Variants in ATP8A2 observed in about 807,000 individuals in gnomAD.
ATP8A2 encodes ATPase phospholipid transporting 8A2.
Under a neutral mutation model 165.6 loss-of-function variants are expected in ATP8A2, and 100 were observed. The ratio of observed to expected loss-of-function variants is 0.60; its 90% CI spans 0.51 to 0.71. The LOEUF (loss-of-function observed/expected upper bound fraction) is 0.71. Ranked by LOEUF, ATP8A2 falls within the 30% of genes least tolerant of loss-of-function variation. The pLI is 0.00. For synonymous variants in ATP8A2, 543 were observed against 548.8 expected, an observed-to-expected ratio of 0.99 and a Z score of 0.15; for missense variants, 1,227 against 1,479.5, an observed-to-expected ratio of 0.83 and a Z score of 2.80.
intron 33 of ATP8A2, among the ~76,000 whole-genome samples, chr13:25,897,512 T>C (rs1953594859): frequency 6.6e-6 from 1 of 152,204 alleles, no homozygotes; most frequent in Non-Finnish European, 1.5e-5. Flanking sequence ...ATTATGTGTC[T>C]TGAAGTTGCT....
At chr13:25,570,736 A>G in intron 16 of ATP8A2, 31 bp from the exon 17 acceptor site, 1 of 1,567,904 alleles carries the variant, frequency 6.4e-7, no homozygotes, top group Non-Finnish European at 8.8e-7. Flanking sequence ...AAGGTGTTGT[A>G]TCTGACACTA....
intron 30 of ATP8A2, among the ~76,000 whole-genome samples, chr13:25,844,329 CA>C (rs1951810837): frequency 6.6e-6 from 1 of 151,980 alleles, no homozygotes; most frequent in Non-Finnish European, 1.5e-5. Context: ...CTCCCATGTT[CA>C]AGTGATTCTC....
chr13:25,927,291 G>A, intron 33 of ATP8A2: 1 of 449,256 alleles, frequency 2.2e-6, no homozygotes, highest in South Asian at 1.6e-5. Context: ...TTGAACAAAA[G>A]TCCATGGCTT....
At chr13:26,019,742 C>A (rs953358977) in intron 36 of ATP8A2, 146 bp from the exon 37 acceptor site, 3 of 598,624 alleles carry the variant, frequency 5.0e-6, no homozygotes, top group Admixed American at 3.1e-5. Context: ...CAGGTTTCTT[C>A]ATCTCAAGCC....
intron 28 of ATP8A2, among the ~76,000 whole-genome samples, chr13:25,832,042 C>T (rs906703924): frequency 1.3e-5 from 2 of 151,772 alleles, no homozygotes; most frequent in Admixed American, 6.6e-5. Context: ...CGGGTTCAAG[C>T]AATTCTCCTG....
chr13:25,948,938 C>T (rs1298814038), intron 33 of ATP8A2, among the ~76,000 whole-genome samples: 4 of 152,212 alleles, frequency 2.6e-5, no homozygotes, highest in African/African-American at 9.6e-5. Context: ...TGCAGCCCCT[C>T]CTGGAAGCTT....
intron 33 of ATP8A2, among the ~76,000 whole-genome samples, chr13:25,954,229 C>T (rs766834754): frequency 8.5e-5 from 13 of 152,198 alleles, no homozygotes; most frequent in Admixed American, 1.3e-4. Flanking sequence ...ACAGTGTAAA[C>T]AAAGCCACCA....
chr13:26,005,509 G>A (rs1186038682), intron 35 of ATP8A2, among the ~76,000 whole-genome samples: 3 of 151,494 alleles, frequency 2.0e-5, no homozygotes, highest in Non-Finnish European at 3.0e-5. Context: ...TCTTCCTTTT[G>A]TAGTTCCTCA....
At chr13:25,759,561 G>C (rs1196583978) in intron 25 of ATP8A2, among the ~76,000 whole-genome samples, 1 of 152,094 alleles carries the variant, frequency 6.6e-6, no homozygotes, top group Non-Finnish European at 1.5e-5. Context: ...CTCCTGAGAG[G>C]GTCTTGGGGG....
chr13:25,993,693 C>T (rs1162334850), intron 35 of ATP8A2, among the ~76,000 whole-genome samples: 2 of 152,086 alleles, frequency 1.3e-5, no homozygotes, highest in South Asian at 2.1e-4. Context: ...GTCTTCTAGT[C>T]TATTTATCTG....
intron 33 of ATP8A2, among the ~76,000 whole-genome samples, chr13:25,868,708 C>T (rs898370308): frequency 6.6e-6 from 1 of 152,148 alleles, no homozygotes; most frequent in Admixed American, 6.5e-5. Flanking sequence ...TTGTCGCCTG[C>T]ACCCCAGGGT....
intron 35 of ATP8A2, among the ~76,000 whole-genome samples, chr13:25,995,939 C>T (rs1322250307): frequency 1.3e-5 from 2 of 152,150 alleles, no homozygotes; most frequent in African/African-American, 4.8e-5. Context: ...TTTAGCTTCA[C>T]ATATTTTGCA....
intron 1 of ATP8A2, chr13:25,468,662 G>T (rs621762): frequency 3.8e-6 from 1 of 262,408 alleles, no homozygotes; most frequent in Non-Finnish European, 5.9e-6. Flanking sequence ...CAGCTTGGGC[G>T]TCCAGCCCGG....
At chr13:25,703,186 T>C (rs946680259) in intron 25 of ATP8A2, among the ~76,000 whole-genome samples, 1 of 152,122 alleles carries the variant, frequency 6.6e-6, no homozygotes, top group African/African-American at 2.4e-5. Flanking sequence ...TTCAAGCAAT[T>C]CTCCTGCCTC....
At chr13:25,867,416 T>C (rs1197081729) in intron 33 of ATP8A2, among the ~76,000 whole-genome samples, 1 of 152,120 alleles carries the variant, frequency 6.6e-6, no homozygotes, top group Non-Finnish European at 1.5e-5. Flanking sequence ...GAAGTTGGGG[T>C]GATGTCAAGT....
chr13:25,707,959 C>T (rs1413730346), intron 25 of ATP8A2, among the ~76,000 whole-genome samples: 1 of 152,176 alleles, frequency 6.6e-6, no homozygotes, highest in Non-Finnish European at 1.5e-5. Context: ...ATCCGCTCTG[C>T]AGCTTTCAAC....
intron 21 of ATP8A2, 78 bp downstream of exon 21, chr13:25,578,977 C>T: frequency 2.0e-6 from 2 of 1,000,862 alleles, no homozygotes; most frequent in Non-Finnish European, 3.2e-6. Flanking sequence ...TCCAGGGGCA[C>T]ATTCTTCCAG....
chr13:25,751,415 TTGAAG>T (rs1352248251), intron 25 of ATP8A2, among the ~76,000 whole-genome samples: 1 of 152,216 alleles, frequency 6.6e-6, no homozygotes, highest in Non-Finnish European at 1.5e-5. Context: ...GAGTGAAACC[TTGAAG>T]TGTTTTTATT....
chr13:25,879,212 T>G (rs1372732250), intron 33 of ATP8A2, among the ~76,000 whole-genome samples: 1 of 152,216 alleles, frequency 6.6e-6, no homozygotes, highest in African/African-American at 2.4e-5. Context: ...TGACTCTTTT[T>G]GAGAAATGCT....
Sources: gnomAD v4.1 joint callset for allele counts (sites outside exome capture counted in the v4.1 genomes callset) on GRCh38, gnomAD v4.1.1 for gene constraint, MANE v1.5 for transcripts, NCBI Gene and HGNC (gene_info 2026-07-23, HGNC 2026-07-21) for gene names.